Variants in RASSF3 observed in about 807,000 individuals in gnomAD.
The protein encoded by RASSF3 is Ras association domain family member 3, also known as ras association domain-containing protein 3.
In RASSF3, 19 loss-of-function variants were observed where a neutral mutation model predicts 19.9. The observed-to-expected ratio is 0.96, with a 90% CI of 0.67 to 1.40. RASSF3 has a LOEUF of 1.40. Ranked by LOEUF, RASSF3 falls within the 40% of genes most tolerant of loss-of-function variation. The pLI is 0.00. For missense variants in RASSF3, 306 were observed against 289.8 expected, an observed-to-expected ratio of 1.06 and a Z score of -0.41; for synonymous variants, 110 against 104.2, an observed-to-expected ratio of 1.06 and a Z score of -0.34.
At chr12:64,619,561 G>A (rs989112784) in intron 1 of RASSF3, among the ~76,000 whole-genome samples, 1 of 152,054 alleles carries the variant, frequency 6.6e-6, no homozygotes, top group Non-Finnish European at 1.5e-5. Context: ...TTTTCCAGAT[G>A]CTAAACAAGG....
intron 1 of RASSF3, chr12:64,654,633 T>A (rs1872083181): frequency 1.7e-5 from 1 of 58,486 alleles, no homozygotes; most frequent in Non-Finnish European, 3.1e-5. Flanking sequence ...AGTGAGACCG[T>A]GTTTCTTTGC....
At chr12:64,615,411 T>A (rs556466012) in intron 1 of RASSF3, among the ~76,000 whole-genome samples, 25 of 152,178 alleles carry the variant, frequency 1.6e-4, no homozygotes, top group African/African-American at 5.3e-4. Context: ...ACCCACACTT[T>A]AAAAAAAATT....
intron 1 of RASSF3, among the ~76,000 whole-genome samples, chr12:64,672,128 A>G (rs965076177): frequency 6.8e-6 from 1 of 147,700 alleles, no homozygotes; most frequent in African/African-American, 2.7e-5. Flanking sequence ...TGATACAGGC[A>G]TATAATAATC....
intron 2 of RASSF3, among the ~76,000 whole-genome samples, chr12:64,686,478 G>A (rs564322293): frequency 6.6e-6 from 1 of 152,344 alleles, no homozygotes; most frequent in East Asian, 1.9e-4. Context: ...AGGCGTGGTG[G>A]CGGGCGCCTG....
chr12:64,531,240 C>A (rs761281241), upstream of RASSF3, among the ~76,000 whole-genome samples: 27 of 152,114 alleles, frequency 1.8e-4, no homozygotes, highest in Non-Finnish European at 3.2e-4. Context: ...AGGTATGGAT[C>A]AAAGTTGATT....
chr12:64,557,445 C>G (rs1381273160), intron 2 of RASSF3, among the ~76,000 whole-genome samples: 1 of 152,160 alleles, frequency 6.6e-6, no homozygotes, highest in African/African-American at 2.4e-5. Context: ...AATGGTGACT[C>G]TTCTCACCTG....
intron 2 of RASSF3, among the ~76,000 whole-genome samples, chr12:64,569,748 T>C (rs58381444): frequency 0.4 from 60,101 of 152,068 alleles, 12,130 homozygotes; most frequent in Non-Finnish European, 0.43. Context: ...GGCAGATCAC[T>C]TGAGATTGGG....
In RASSF3 at chr12:64,641,317, G is replaced by A. The variant is rs1447552854; in HGVS notation, c.111+30574G>A. Among the ~76,000 whole-genome samples, 5 of 151,696 alleles carry A rather than the reference G, an allele frequency of 3.3e-5. No homozygotes were observed. The East Asian group carries it at 9.7e-4, about 29-fold the overall frequency. Reference sequence around the variant, plus strand: ...AGGCTGAGGTGGGAGGATCTCTTGAGCCCAAGAGGTGGAGGTTGCAGTGAG... The same window carrying A: ...AGGCTGAGGTGGGAGGATCTCTTGAACCCAAGAGGTGGAGGTTGCAGTGAG... On this transcript the variant is annotated intron_variant, in intron 1 of 4. Transcript: ENST00000542104.
At chr12:64,614,898 C>G (rs894445434) in intron 1 of RASSF3, among the ~76,000 whole-genome samples, 2 of 151,732 alleles carry the variant, frequency 1.3e-5, no homozygotes, top group Non-Finnish European at 2.9e-5. Context: ...GGGGTTTTGC[C>G]ATGTTGGCCA....
intron 1 of RASSF3, among the ~76,000 whole-genome samples, chr12:64,647,586 AT>A (rs1394759884): frequency 6.6e-6 from 1 of 151,470 alleles, no homozygotes; most frequent in African/African-American, 2.4e-5. Context: ...AATTTTTTGT[AT>A]TTTTTAGTAG....
intron 1 of RASSF3, among the ~76,000 whole-genome samples, chr12:64,620,262 G>A (rs908357788): frequency 6.6e-6 from 1 of 152,094 alleles, no homozygotes; most frequent in African/African-American, 2.4e-5. Flanking sequence ...GTTGGAGTAT[G>A]TGTCAGAATT....
chr12:64,684,735 CG>C, intron 1 of RASSF3, 51 bp from the exon 2 acceptor site: 1 of 1,294,914 alleles, frequency 7.7e-7, no homozygotes. Flanking sequence ...CCGGCCTATC[CG>C]CACTTTTTTT....
At chr12:64,671,161 C>T (rs187627263) in intron 1 of RASSF3, among the ~76,000 whole-genome samples, 1 of 152,222 alleles carries the variant, frequency 6.6e-6, no homozygotes, top group East Asian at 1.9e-4. Flanking sequence ...CCTGCCCTGT[C>T]TGGTTTTGGA....
At chr12:64,585,122 G>T (rs528985172) in intron 2 of RASSF3, among the ~76,000 whole-genome samples, 1 of 152,180 alleles carries the variant, frequency 6.6e-6, no homozygotes, top group South Asian at 2.1e-4. Context: ...TTGACCTCAT[G>T]ATCTGCCTGC....
At chr12:64,527,621 T>C (rs1868616025) in intron 1 of RASSF3, among the ~76,000 whole-genome samples, 2 of 152,350 alleles carry the variant, frequency 1.3e-5, no homozygotes, top group South Asian at 4.1e-4. Context: ...GATATACGAT[T>C]ACATTTTTAA....
intron 1 of RASSF3, among the ~76,000 whole-genome samples, chr12:64,642,903 T>A (rs1871595079): frequency 6.6e-6 from 1 of 151,506 alleles, no homozygotes; most frequent in African/African-American, 2.4e-5. Flanking sequence ...TCTCACTCTG[T>A]TGCCCAAGCT....
At chr12:64,545,396 A>C (rs1869036293), downstream of RASSF3, among the ~76,000 whole-genome samples, 1 of 152,228 alleles carries the variant, frequency 6.6e-6, no homozygotes, top group African/African-American at 2.4e-5. Flanking sequence ...TGAAAAAGTA[A>C]TACTGAGCTC....
At chr12:64,630,736 T>C (rs1871144064) in intron 1 of RASSF3, among the ~76,000 whole-genome samples, 1 of 152,076 alleles carries the variant, frequency 6.6e-6, no homozygotes, top group Non-Finnish European at 1.5e-5. Flanking sequence ...GAGGCATTAG[T>C]AACACTGAAT....
intron 2 of RASSF3, among the ~76,000 whole-genome samples, chr12:64,568,058 G>A (rs1183422754): frequency 1.3e-5 from 2 of 152,194 alleles, no homozygotes; most frequent in Non-Finnish European, 2.9e-5. Context: ...TTGAGATGGA[G>A]TCTCGCTCTG....
Sources: gnomAD v4.1 joint callset for allele counts (sites outside exome capture counted in the v4.1 genomes callset) on GRCh38, gnomAD v4.1.1 for gene constraint, MANE v1.5 for transcripts, NCBI Gene and HGNC (gene_info 2026-07-23, HGNC 2026-07-21) for gene names.